The following PDCD4 variants were observed in gnomAD, a reference collection of about 807,000 sequenced individuals.
PDCD4 encodes programmed cell death protein 4.
PDCD4 carries 56 observed loss-of-function variants against 54.0 expected under a neutral mutation model. The observed-to-expected ratio is 1.04, with a 90% CI of 0.84 to 1.30. The LOEUF is 1.30. PDCD4 is among the 50% of genes most tolerant of loss of function. PDCD4 has a pLI of 0.00. For synonymous variants in PDCD4, 186 were observed against 194.8 expected (o/e 0.95, Z 0.37); for missense variants, 584 against 559.8 (o/e 1.04, Z -0.44).
intron 5 of PDCD4, among the ~76,000 whole-genome samples, chr10:110,885,706 C>T (rs748636562): frequency 3.3e-5 from 5 of 151,608 alleles, no homozygotes; most frequent in Admixed American, 6.6e-5. Flanking sequence ...AGACGCCCCC[C>T]GAAACCTCTT....
At chr10:110,883,130 A>T (rs762975978) in intron 4 of PDCD4, 33 bp downstream of exon 4, 4 of 1,355,980 alleles carry the variant, frequency 2.9e-6, no homozygotes. Context: ...TAATATTTAA[A>T]ATGTTTATGA....
intron 2 of PDCD4, among the ~76,000 whole-genome samples, chr10:110,879,643 A>G (rs1845560018): frequency 6.7e-6 from 1 of 148,900 alleles, no homozygotes; most frequent in African/African-American, 2.5e-5. Context: ...ACAGAGCGAC[A>G]CGCTGTCTCA....
intron 1 of PDCD4, among the ~76,000 whole-genome samples, chr10:110,872,386 C>T (rs1202726713): frequency 6.6e-6 from 1 of 152,130 alleles, no homozygotes. Context: ...AGGTTGAATT[C>T]GGGGGCCGGG....
intron 9 of PDCD4, 49 bp from the exon 10 acceptor site, chr10:110,894,363 G>GTT (rs1481387344): frequency 1.9e-6 from 2 of 1,036,838 alleles, no homozygotes; most frequent in Non-Finnish European, 3.0e-6. Context: ...TTTAGGAGCA[G>GTT]TTTCATATAT....
chr10:110,895,952 A>G lies in PDCD4; in HGVS notation c.1214A>G (p.Tyr405Cys), dbSNP rs1845824607. The G allele has an allele frequency of 6.3e-7, 1 of 1,597,152 alleles. No individual in the cohort carries two copies. Among genetic ancestry groups the G allele is most frequent in the African/African-American group, 1.4e-5 (1 of 73,788 alleles). The change falls in exon 11 of 12, where the codon TAT becomes TGT. Residue 405 changes from tyrosine to cysteine, a missense_variant. Physicochemically the swap from Tyr to Cys is radical, Grantham distance 194 (BLOSUM62 -2). Transcript: ENST00000280154. ...TITVDQMKRGYERIYNEIPDI... is the reference protein window; with the variant it reads ...TITVDQMKRGCERIYNEIPDI... ...CATGTAATTTCATTGTTGTAGGGTTATGAGAGAATTTACAATGAAATTCCG... is the reference window on the plus strand; with the variant it reads ...CATGTAATTTCATTGTTGTAGGGTTGTGAGAGAATTTACAATGAAATTCCG...
intron 11 of PDCD4, among the ~76,000 whole-genome samples, chr10:110,897,669 T>C (rs1005466543): frequency 3.9e-5 from 6 of 152,222 alleles, no homozygotes; most frequent in African/African-American, 1.2e-4. Flanking sequence ...TTCTGAATTA[T>C]GTTAGTGTTT....
At position 110,898,398 on chromosome 10, in the gene PDCD4, G is replaced by A. The variant is rs756545115; in HGVS notation, c.*310G>A. 2.1e-4 allele frequency: 43 copies of A among 208,186 alleles called. No individual in the cohort carries two copies. The highest frequency in any genetic ancestry group is 3.5e-4 in the Non-Finnish European group (37 of 105,360). The allele number at this position is 208,186 out of a possible 1,614,324, so 12.9% of individuals were successfully genotyped here. A position where few individuals can be genotyped will look rare whatever the true frequency, so the allele number is the denominator to read the frequency against. On this transcript the variant is annotated 3_prime_UTR_variant, in exon 12 of 12. Coordinates refer to ENST00000280154, the MANE Select transcript of PDCD4 (RefSeq NM_014456.5). ...CCAAGTTTTGCATTGATGTCTGACT[G>A]CCACTCCTTTCTTTCAAGGACAGTG...
At chr10:110,896,381 C>T (rs1845832342) in intron 11 of PDCD4, among the ~76,000 whole-genome samples, 1 of 152,100 alleles carries the variant, frequency 6.6e-6, no homozygotes, top group Non-Finnish European at 1.5e-5. Flanking sequence ...AAAATTGAGG[C>T]TTAGGGAGGT....
chr10:110,883,537 AT>A lies in PDCD4; in HGVS notation c.441+448del, dbSNP rs534409813. ...TAATAGATTGTGAAGTGAATTTTTTATTTTTTTTAATGGAAAAAATTTAAAG... is the reference window on the plus strand; with the variant it reads ...TAATAGATTGTGAAGTGAATTTTTTATTTTTTTAATGGAAAAAATTTAAAG... On this transcript the variant is annotated intron_variant, in intron 4 of 11. Transcript: ENST00000280154. 1.0e-2 allele frequency among the ~76,000 whole-genome samples: 1,513 copies of A among 151,940 alleles called. 22 individuals carry two copies. The highest frequency in any genetic ancestry group is 0.033 in the African/African-American group (1,367 of 41,464).
At chr10:110,890,492 C>G (rs999900168) in intron 7 of PDCD4, 64 bp from the exon 8 acceptor site, 1 of 808,032 alleles carries the variant, frequency 1.2e-6, no homozygotes, top group Admixed American at 2.4e-5. Context: ...TCAGCTTTAT[C>G]CCTAATTTAG....
chr10:110,874,515 A>ATTTTTAAGATTT (rs1424422464), intron 1 of PDCD4, among the ~76,000 whole-genome samples: 10 of 152,078 alleles, frequency 6.6e-5, no homozygotes, highest in Non-Finnish European at 8.8e-5. Context: ...ATCTCTACAT[A>ATTTTTAAGATTT]TTTTTAAGAT....
Position 110,890,603 on chromosome 10 carries a change from G to T in PDCD4, c.923G>T (p.Gly308Val). 3 of 1,613,718 alleles carry T rather than the reference G, an allele frequency of 1.9e-6. No individual in the cohort carries two copies. In the South Asian group the frequency reaches 3.3e-5, roughly 18 times the overall value. The change falls in exon 8 of 12, where the codon GGA (glycine) becomes GTA (valine). Residue 308 changes from glycine (G) to valine (V), a missense_variant. By Grantham distance (109) the Gly-to-Val change is moderately radical. Transcript: ENST00000280154. ...ATVLLSMSKG[G>V]KRKDSVWGSG... ...GTGCTTCTGAGTATGTCTAAAGGTG[G>T]AAAGCGTAAAGATAGTGTGTGGGGC...
chr10:110,888,186 T>C (rs1422300943), intron 6 of PDCD4, among the ~76,000 whole-genome samples: 1 of 152,106 alleles, frequency 6.6e-6, no homozygotes, highest in Non-Finnish European at 1.5e-5. Context: ...TGTAGTTGTT[T>C]TATTAGCTAA....
At position 110,881,394 on chromosome 10, in the gene PDCD4, C is replaced by A. The variant is rs181745202; in HGVS notation, c.205C>A (p.Arg69=). Residue 69 remains arginine (R), a synonymous_variant, in exon 3 of 12, where the codon CGG becomes AGG. Coordinates refer to ENST00000280154, the MANE Select transcript of PDCD4 (RefSeq NM_014456.5). Reference sequence around the variant, plus strand: ...AAGGCGACTAAGGAAAAACTCATCCCGGGACTCTGGCAGAGGCGATTCGGT... The same window carrying A: ...AAGGCGACTAAGGAAAAACTCATCCAGGGACTCTGGCAGAGGCGATTCGGT... ...AKRRLRKNSS[R]DSGRGDSVSD... 24 of 1,614,012 alleles carry A rather than the reference C, an allele frequency of 1.5e-5. No individual in the cohort carries two copies. The highest frequency in any genetic ancestry group is 1.5e-5 in the Non-Finnish European group (18 of 1,180,022).
intron 1 of PDCD4, among the ~76,000 whole-genome samples, chr10:110,875,494 A>T (rs1845488766): frequency 6.6e-6 from 1 of 152,194 alleles, no homozygotes; most frequent in Non-Finnish European, 1.5e-5. Flanking sequence ...TGTGAAAAAT[A>T]ACACAGTCAT....
chr10:110,893,892 T>C lies in PDCD4; in HGVS notation c.991-199T>C, dbSNP rs556420367. Reference sequence around the variant, plus strand: ...AAGCATTGCATTTGAATCATAATTATGAACCATTTAAAAATTGGGGATTTA... The same window carrying C: ...AAGCATTGCATTTGAATCATAATTACGAACCATTTAAAAATTGGGGATTTA... On this transcript the variant is annotated intron_variant, in intron 8 of 11. Coordinates refer to ENST00000280154, the MANE Select transcript of PDCD4 (RefSeq NM_014456.5). Among the ~76,000 whole-genome samples, 8 of 152,246 alleles carry C rather than the reference T, an allele frequency of 5.3e-5. No individual in the cohort carries two copies. The South Asian group carries it at 1.0e-3, about 20-fold the overall frequency.
intron 2 of PDCD4, among the ~76,000 whole-genome samples, chr10:110,878,818 G>A (rs1198831282): frequency 6.6e-6 from 1 of 152,124 alleles, no homozygotes; most frequent in African/African-American, 2.4e-5. Context: ...TATGTAAAGT[G>A]CCTTAGCTAA....
intron 6 of PDCD4, 69 bp from the exon 7 acceptor site, chr10:110,889,464 A>G (rs1420308524): frequency 1.7e-5 from 14 of 839,166 alleles, no homozygotes; most frequent in Non-Finnish European, 2.8e-5. Context: ...TCATTTATGT[A>G]TTTAGAAATT....
rs1275158753 is a variant in PDCD4, at chr10:110,881,361, A to G, written c.172A>G (p.Lys58Glu). 1 of 1,614,082 alleles carries G rather than the reference A, an allele frequency of 6.2e-7. No homozygotes were observed. The change falls in exon 3 of 12, where the codon AAG becomes GAG. Residue 58 changes from lysine to glutamate, a missense_variant. By Grantham distance (56) the Lys-to-Glu change is moderately conservative (BLOSUM62 1). Transcript: ENST00000280154. Reference sequence around the variant, plus strand: ...CATTAACGAAGCTAGAATTAATGCCAAGGCAAAAAGGCGACTAAGGAAAAA... The same window carrying G: ...CATTAACGAAGCTAGAATTAATGCCGAGGCAAAAAGGCGACTAAGGAAAAA... The part of the protein sequence containing the change: ...SSINEARINA[K>E]AKRRLRKNSS...
Sources: gnomAD v4.1 joint callset for allele counts (sites outside exome capture counted in the v4.1 genomes callset) on GRCh38, gnomAD v4.1.1 for gene constraint, MANE v1.5 for transcripts, NCBI Gene and HGNC (gene_info 2026-07-23, HGNC 2026-07-21) for gene names.